The following ONECUT1 variants were observed in gnomAD, a reference collection of about 807,000 sequenced individuals.
ONECUT1 encodes one cut homeobox 1.
A neutral mutation model predicts 25.6 loss-of-function variants in ONECUT1; 12 were observed. That is an observed-to-expected ratio of 0.47 (90% CI 0.30 to 0.76). The LOEUF (loss-of-function observed/expected upper bound fraction) is 0.76. Ranked by LOEUF, ONECUT1 falls within the 30% of genes least tolerant of loss-of-function variation. The probability of loss-of-function intolerance (pLI) is 0.07; values close to 1 mark genes in which losing one functional copy is unlikely to be tolerated. For missense variants in ONECUT1, 620 were observed against 651.2 expected, an observed-to-expected ratio of 0.95 and a Z score of 0.52; for synonymous variants, 285 against 270.2, an observed-to-expected ratio of 1.05 and a Z score of -0.54.
Position 52,762,658 on chromosome 15 carries a change from G to A in ONECUT1, c.1106-4811C>T, listed in dbSNP as rs116748897. Among the ~76,000 whole-genome samples, 573 of 152,316 alleles carry A rather than the reference G, an allele frequency of 3.8e-3. 4 individuals carry two copies. The highest frequency in any genetic ancestry group is 0.013 in the African/African-American group (535 of 41,544). On this transcript the variant is annotated intron_variant, in intron 1 of 1. Coordinates refer to ENST00000305901, the MANE Select transcript of ONECUT1 (RefSeq NM_004498.4). ...GCAGATCAGTATCCACGTGGGTATG[G>A]GGCAGGGGTATGTCTGCGAATAAGT...
intron 1 of ONECUT1, among the ~76,000 whole-genome samples, chr15:52,783,012 A>G (rs1030572676): frequency 1.3e-5 from 2 of 152,160 alleles, no homozygotes; most frequent in African/African-American, 4.8e-5. Context: ...TGTAAGAACG[A>G]TTTCTTCTGA....
intron 1 of ONECUT1, among the ~76,000 whole-genome samples, chr15:52,769,581 G>A (rs984617170): frequency 3.3e-5 from 5 of 152,318 alleles, no homozygotes; most frequent in Non-Finnish European, 7.3e-5. Flanking sequence ...GGTTGGCTGA[G>A]TCCTTGGTAT....
chr15:52,783,490 G>A (rs1596056477), intron 1 of ONECUT1, among the ~76,000 whole-genome samples: 1 of 152,164 alleles, frequency 6.6e-6, no homozygotes, highest in Admixed American at 6.5e-5. Context: ...CAGGCGTCAG[G>A]GCGGTGGGAC....
chr15:52,772,816 A>C (rs1356409149), intron 1 of ONECUT1, among the ~76,000 whole-genome samples: 1 of 152,196 alleles, frequency 6.6e-6, no homozygotes, highest in Non-Finnish European at 1.5e-5. Flanking sequence ...ATTAGTTTGT[A>C]CTGGGCTTGT....
At chr15:52,782,760 G>A (rs896357170) in intron 1 of ONECUT1, among the ~76,000 whole-genome samples, 2 of 152,140 alleles carry the variant, frequency 1.3e-5, no homozygotes, top group African/African-American at 4.8e-5. Context: ...GGACTGAAAG[G>A]AAACTAGTCA....
chr15:52,789,948 C>G lies in ONECUT1; in HGVS notation c.-64G>C. ...GTGGCCAGGCAGAGGCGGCGAGGGG[C>G]GCACGGAGTCCGGTCTTCACATCGG... On this transcript the variant is annotated 5_prime_UTR_variant, in exon 1 of 2. Coordinates refer to ENST00000305901, the MANE Select transcript of ONECUT1 (RefSeq NM_004498.4). This position sits in a 1 kb window ranked among gnomAD's most constrained non-coding sequence, Gnocchi z 4.1. The G allele has an allele frequency of 6.8e-7, 1 of 1,463,648 alleles. No individual in the cohort carries two copies. Among genetic ancestry groups the G allele is most frequent in the African/African-American group, 1.5e-5 (1 of 67,970 alleles). The allele number at this position is 1,463,648 out of a possible 1,614,324, so 90.7% of individuals were successfully genotyped here.
chr15:52,760,889 A>G (rs1218056507), intron 1 of ONECUT1, among the ~76,000 whole-genome samples: 1 of 152,138 alleles, frequency 6.6e-6, no homozygotes, highest in Non-Finnish European at 1.5e-5. Flanking sequence ...CAAGAATGCT[A>G]CAGTGGGTGC....
chr15:52,789,807 G>C lies in ONECUT1; in HGVS notation c.78C>G (p.Asp26Glu), dbSNP rs114512101. The C allele has an allele frequency of 6.6e-4, 1,003 of 1,510,364 alleles. 8 individuals carry two copies. The African/African-American group carries it at 0.013, about 20-fold the overall frequency. The allele number at this position is 1,510,364 out of a possible 1,614,324, so 93.6% of individuals were successfully genotyped here. ...VSHEPVPAPA[D>E]LLGGSPHARS... ...GCGCGTGGGGGCTGCCGCCCAGCAG[G>C]TCGGCAGGGGCGGGCACCGGCTCAT... Residue 26 changes from aspartate to glutamate, a missense_variant, in exon 1 of 2, where the codon GAC (aspartate) becomes GAG (glutamate). Physicochemically the swap from Asp to Glu is conservative, Grantham distance 45. This residue lies in a region of ONECUT1 where 440 missense variants were observed against 404.9 expected (regional missense o/e 1.09). Coordinates refer to ENST00000305901, the MANE Select transcript of ONECUT1 (RefSeq NM_004498.4). This position sits in a 1 kb window ranked among gnomAD's most constrained non-coding sequence, Gnocchi z 4.1.
At chr15:52,766,235 CTTTT>C (rs76480336) in intron 1 of ONECUT1, among the ~76,000 whole-genome samples, 1 of 143,210 alleles carries the variant, frequency 7.0e-6, no homozygotes, top group African/African-American at 2.6e-5. Flanking sequence ...GGTATTCTTC[CTTTT>C]TTTTTTTTTT....
Position 52,788,749 on chromosome 15 carries a change from T to C in ONECUT1, c.1105+31A>G, listed in dbSNP as rs200876029. 2.8e-5 allele frequency: 45 copies of C among 1,583,118 alleles called. No homozygotes were observed. The East Asian group carries it at 1.0e-3, about 35-fold the overall frequency. On this transcript the variant is annotated intron_variant, in intron 1 of 1. Coordinates refer to ENST00000305901, the MANE Select transcript of ONECUT1 (RefSeq NM_004498.4). This position sits in a 1 kb window ranked among gnomAD's most constrained non-coding sequence, Gnocchi z 4.3. ...CCCTTCGGCTTTCGTGTACCTTATC[T>C]CCCGCGCGCCCAGCTCCTTGGCCGG...
chr15:52,773,567 C>A (rs778408513), intron 1 of ONECUT1, among the ~76,000 whole-genome samples: 1 of 152,172 alleles, frequency 6.6e-6, no homozygotes, highest in Non-Finnish European at 1.5e-5. Flanking sequence ...GCCATGAGCA[C>A]ACTTAGTGCC....
rs903697323 is a variant in ONECUT1, at chr15:52,755,791, C to T, written c.*1764G>A. Reference sequence around the variant, plus strand: ...ATTCTTTACCTAATGGCATAAGGGGCATCCACTTAGATAAGTTACAGTCCA... The same window carrying T: ...ATTCTTTACCTAATGGCATAAGGGGTATCCACTTAGATAAGTTACAGTCCA... On this transcript the variant is annotated 3_prime_UTR_variant, in exon 2 of 2. Coordinates refer to ENST00000305901, the MANE Select transcript of ONECUT1 (RefSeq NM_004498.4). Among the ~76,000 whole-genome samples the T allele has an allele frequency of 2.0e-5, 3 of 152,256 alleles. No individual in the cohort carries two copies. Among genetic ancestry groups the T allele is most frequent in the Non-Finnish European group, 4.4e-5 (3 of 68,028 alleles).
intron 1 of ONECUT1, among the ~76,000 whole-genome samples, chr15:52,764,747 C>T (rs1325517840): frequency 2.0e-5 from 3 of 152,188 alleles, no homozygotes; most frequent in Non-Finnish European, 4.4e-5. Flanking sequence ...GTCATAAGGG[C>T]CTGCTGGAGA....
At chr15:52,783,143 G>A (rs2083851671) in intron 1 of ONECUT1, among the ~76,000 whole-genome samples, 1 of 152,174 alleles carries the variant, frequency 6.6e-6, no homozygotes, top group Admixed American at 6.5e-5. Flanking sequence ...GATGACTATA[G>A]ATTTTCCCCA....
chr15:52,780,793 G>T, intron 1 of ONECUT1: 1 of 1,387,290 alleles, frequency 7.2e-7, no homozygotes, highest in Non-Finnish European at 9.3e-7. Flanking sequence ...AGTTTATTGC[G>T]TTCCTTCGAT....
chr15:52,789,724 C>T lies in ONECUT1; in HGVS notation c.161G>A (p.Gly54Asp). Residue 54 changes from glycine (G) to aspartate (D), a missense_variant, in exon 1 of 2, where the codon GGC becomes GAC. Transcript: ENST00000305901. This position sits in a 1 kb window ranked among gnomAD's most constrained non-coding sequence, Gnocchi z 4.1. ...HLPPAHPRSM[G>D]MASLLDGGSG... is the part of the protein sequence containing the mutation. ...GCCGCCGTCCAGCAGGGACGCCATG[C>T]CCATGGAGCGCGGGTGCGCGGGGGG... The T allele has an allele frequency of 1.4e-6, 2 of 1,442,524 alleles. No homozygotes were observed. The highest frequency in any genetic ancestry group is 2.2e-4 in the Middle Eastern group (1 of 4,572). The allele number at this position is 1,442,524 out of a possible 1,614,324, so 89.4% of individuals were successfully genotyped here.
At chr15:52,764,541 T>A (rs1000597725) in intron 1 of ONECUT1, among the ~76,000 whole-genome samples, 1 of 152,220 alleles carries the variant, frequency 6.6e-6, no homozygotes, top group African/African-American at 2.4e-5. Context: ...GCTGGCAGCT[T>A]ATCCACTCAT....
Position 52,788,216 on chromosome 15 carries a change from C to T in ONECUT1, c.1105+564G>A, listed in dbSNP as rs2456525. 36,609 of 154,950 alleles carry T rather than the reference C, an allele frequency of 0.24. 5,745 individuals carry two copies. Among genetic ancestry groups the T allele is most frequent in the African/African-American group, 0.45 (18,778 of 41,456 alleles). The allele number at this position is 154,950 out of a possible 1,614,324, so 9.6% of individuals were successfully genotyped here. A position where few individuals can be genotyped will look rare whatever the true frequency, so the allele number is the denominator to read the frequency against. ...GCTACACACCCACCGCCCAATGGCT[C>T]TGAAACTTTTTGCCCATACTCTTAG... On this transcript the variant is annotated intron_variant, in intron 1 of 1. Coordinates refer to ENST00000305901, the MANE Select transcript of ONECUT1 (RefSeq NM_004498.4). The surrounding 1 kb of genome is among the most constrained non-coding windows in gnomAD (Gnocchi z 4.3).
intron 1 of ONECUT1, among the ~76,000 whole-genome samples, chr15:52,781,901 A>G (rs1208216407): frequency 6.6e-6 from 1 of 152,238 alleles, no homozygotes; most frequent in African/African-American, 2.4e-5. Flanking sequence ...TACCCAACAA[A>G]TAGAATGTGC....
Sources: gnomAD v4.1 joint callset for allele counts (sites outside exome capture counted in the v4.1 genomes callset) on GRCh38, gnomAD v4.1.1 for gene constraint, gnomAD v4.1.1 regional missense constraint, Gnocchi (gnomAD v3.1) non-coding constraint, MANE v1.5 for transcripts, NCBI Gene and HGNC (gene_info 2026-07-23, HGNC 2026-07-21) for gene names.